XYLT1: variants seen among roughly 807,000 people sequenced by gnomAD.
XYLT1 encodes the protein beta-D-xylosyltransferase 1.
In XYLT1, 36 loss-of-function variants were observed where a neutral mutation model predicts 91.3. That is an observed-to-expected ratio of 0.39 (90% confidence interval 0.30 to 0.52). XYLT1 has a LOEUF of 0.52. Among genes scored for constraint, XYLT1 ranks in the 20% least tolerant of loss-of-function variants. The pLI is 0.68. For missense variants in XYLT1, 1,242 were observed against 1,284.5 expected (o/e 0.97, Z 0.51); for synonymous variants, 588 against 532.0 (o/e 1.11, Z -1.45).
rs373354877 is a variant in XYLT1 at position 17,379,763 on chromosome 16, T to TCTTTCTCACACACA, written c.364-21714_364-21713insTGTGTGTGAGAAAG. Among the ~76,000 whole-genome samples, 717 of 125,608 alleles carry TCTTTCTCACACACA rather than the reference T, an allele frequency of 5.7e-3. 8 individuals are homozygous for TCTTTCTCACACACA. Among genetic ancestry groups the TCTTTCTCACACACA allele is most frequent in the African/African-American group, 0.017 (548 of 31,746 alleles). The allele number at this position is 125,608 out of a possible 152,430, so 82.4% of individuals were successfully genotyped here. ...CTCTCTCTCTCTCTCTCTCTCTCTCTCACACACACACACACACACACACAC... is the reference window on the plus strand; with the variant it reads ...CTCTCTCTCTCTCTCTCTCTCTCTCTCTTTCTCACACACACACACACACACACACACACACACAC... On this transcript the variant is annotated intron_variant, in intron 1 of 11. Transcript: ENST00000261381.
intron 1 of XYLT1, among the ~76,000 whole-genome samples, chr16:17,400,441 T>G (rs1225346068): frequency 6.6e-6 from 1 of 151,940 alleles, no homozygotes; most frequent in African/African-American, 2.4e-5. Flanking sequence ...AATACAAAAA[T>G]TAGCTGGGAG....
At chr16:17,140,336 C>T (rs1270487994) in intron 7 of XYLT1, among the ~76,000 whole-genome samples, 4 of 152,070 alleles carry the variant, frequency 2.6e-5, no homozygotes, top group Admixed American at 2.6e-4. Context: ...GTGGTCATTA[C>T]ATGATTGGTC....
intron 2 of XYLT1, among the ~76,000 whole-genome samples, chr16:17,323,150 G>A (rs1323803891): frequency 6.6e-6 from 1 of 152,206 alleles, no homozygotes; most frequent in East Asian, 1.9e-4. Context: ...ATGGTGGCTG[G>A]TCTTTATCAT....
rs537893874 is a variant in XYLT1, at chr16:17,408,793, C to T, written c.364-50743G>A. Among the ~76,000 whole-genome samples the T allele has an allele frequency of 4.5e-4, 69 of 152,168 alleles. 2 individuals are homozygous for T. The South Asian group carries it at 0.013, about 29-fold the overall frequency. ...CCCAGAAGGCTGAGGTTGCGGTGAC[C>T]CAAGAGATCGCACCATTACACTCCA... On this transcript the variant is annotated intron_variant, in intron 1 of 11. Transcript: ENST00000261381.
At chr16:17,315,340 C>T (rs1311271207) in intron 2 of XYLT1, among the ~76,000 whole-genome samples, 1 of 152,242 alleles carries the variant, frequency 6.6e-6, no homozygotes, top group African/African-American at 2.4e-5. Context: ...TGTTCTTCCC[C>T]CTACTGGCAT....
Position 17,107,236 on chromosome 16 carries a change from C to T in XYLT1, c.*1459G>A, listed in dbSNP as rs987201616. ...CAAGTCACACAAAGCGAAGGGCAGCCCCTTCAAACCCACGCTGGAGAGAAG... is the reference window on the plus strand; with the variant it reads ...CAAGTCACACAAAGCGAAGGGCAGCTCCTTCAAACCCACGCTGGAGAGAAG... On this transcript the variant is annotated 3_prime_UTR_variant, in exon 12 of 12. Transcript: ENST00000261381. 1.3e-5 allele frequency: 2 copies of T among 152,172 alleles called. No individual in the cohort carries two copies. Among genetic ancestry groups the T allele is most frequent in the African/African-American group, 4.8e-5 (2 of 41,436 alleles). The allele number at this position is 152,172 out of a possible 1,614,324, so 9.4% of individuals were successfully genotyped here.
At chr16:17,271,905 G>T (rs1233999461) in intron 2 of XYLT1, among the ~76,000 whole-genome samples, 1 of 152,192 alleles carries the variant, frequency 6.6e-6, no homozygotes, top group Non-Finnish European at 1.5e-5. Flanking sequence ...CAGAATAGGA[G>T]AGAGGCTGGT....
chr16:17,267,446 C>T (rs191898742), intron 2 of XYLT1, among the ~76,000 whole-genome samples: 25 of 152,344 alleles, frequency 1.6e-4, no homozygotes, highest in Non-Finnish European at 2.6e-4. Flanking sequence ...CTCGCTCTGT[C>T]GCCCAGGCTG....
rs1470573421 is a variant in XYLT1 at position 17,105,864 on chromosome 16, T to G, written c.*2831A>C. On this transcript the variant is annotated 3_prime_UTR_variant, in exon 12 of 12. Transcript: ENST00000261381. ...GGCAGGTTAAAAAAATTATTTTCCCTGGGAAAACATCCTCTTTTCTCAAAT... is the reference window on the plus strand; with the variant it reads ...GGCAGGTTAAAAAAATTATTTTCCCGGGGAAAACATCCTCTTTTCTCAAAT... 6.6e-6 allele frequency: 1 copy of G among 152,078 alleles called. No homozygotes were observed. The highest frequency in any genetic ancestry group is 1.9e-4 in the East Asian group (1 of 5,190). 9.4% of individuals were successfully genotyped at this position (152,078 alleles called of 1,614,324 possible). A position where few individuals can be genotyped will look rare whatever the true frequency, so the allele number is the denominator to read the frequency against.
At chr16:17,215,956 G>C (rs1306267995) in intron 3 of XYLT1, among the ~76,000 whole-genome samples, 1 of 152,170 alleles carries the variant, frequency 6.6e-6, no homozygotes, top group East Asian at 1.9e-4. Flanking sequence ...TGAGGAGTGG[G>C]TGGCAGGCAG....
intron 3 of XYLT1, among the ~76,000 whole-genome samples, chr16:17,211,088 T>C (rs1289981709): frequency 6.6e-6 from 1 of 152,202 alleles, no homozygotes; most frequent in Non-Finnish European, 1.5e-5. Context: ...AAAATGTGCT[T>C]ACATAAAAAT....
chr16:17,277,793 T>C (rs944483765), intron 2 of XYLT1, among the ~76,000 whole-genome samples: 1 of 152,200 alleles, frequency 6.6e-6, no homozygotes, highest in South Asian at 2.1e-4. Context: ...TTAATTTGCT[T>C]AGGATAATGG....
In XYLT1 at chr16:17,122,441, ATTG is replaced by A. The variant is rs2030100989; in HGVS notation, c.2224-4465_2224-4463del. 2.0e-5 allele frequency among the ~76,000 whole-genome samples: 3 copies of A among 151,878 alleles called. No individual in the cohort carries two copies. In the South Asian group the frequency reaches 6.2e-4, roughly 32 times the overall value. ...TGGCCTTAGCCCACTTTTTGATGGG[ATTG>A]TTTTTTCTTGCTGATTTGAGTTCCT... On this transcript the variant is annotated intron_variant, in intron 10 of 11. Coordinates refer to ENST00000261381, the MANE Select transcript of XYLT1 (RefSeq NM_022166.4).
chr16:17,440,229 C>A (rs2036515286), intron 1 of XYLT1, among the ~76,000 whole-genome samples: 1 of 152,218 alleles, frequency 6.6e-6, no homozygotes. Flanking sequence ...TCAGATGAGA[C>A]CAAAGATCTG....
intron 2 of XYLT1, among the ~76,000 whole-genome samples, chr16:17,333,587 A>T (rs914830234): frequency 1.0e-4 from 14 of 140,156 alleles, no homozygotes; most frequent in Non-Finnish European, 2.0e-4. Context: ...AATTAATTTA[A>T]TTTATTTTTT....
At chr16:17,356,364 A>T (rs532966125) in intron 2 of XYLT1, among the ~76,000 whole-genome samples, 2 of 152,250 alleles carry the variant, frequency 1.3e-5, no homozygotes, top group African/African-American at 4.8e-5. Flanking sequence ...GGCAGAGGAA[A>T]CCGAATCCTT....
At position 17,134,482 on chromosome 16, in the gene XYLT1, T is replaced by C; in HGVS notation, c.2018A>G (p.Asn673Ser). ...CCCATATAGGGCTCACCGGCAGCTGTTCTCCCCATCCGTGTGCAGGGACGT... is the reference window on the plus strand; with the variant it reads ...CCCATATAGGGCTCACCGGCAGCTGCTCTCCCCATCCGTGTGCAGGGACGT... ...AETSLHTDGE[N>S]SCRYYPMGHP... is the part of the protein sequence containing the mutation. The change falls in exon 9 of 12, where the codon AAC (asparagine) becomes AGC (serine). Residue 673 changes from asparagine (N) to serine (S), a missense_variant. By Grantham distance (46) the Asn-to-Ser change is conservative. Coordinates refer to ENST00000261381, the MANE Select transcript of XYLT1 (RefSeq NM_022166.4). 6.2e-7 allele frequency: 1 copy of C among 1,614,088 alleles called. No individual in the cohort carries two copies. Among genetic ancestry groups the C allele is most frequent in the African/African-American group, 1.3e-5 (1 of 75,032 alleles).
At chr16:17,174,943 T>C (rs1265830545) in intron 5 of XYLT1, among the ~76,000 whole-genome samples, 1 of 152,170 alleles carries the variant, frequency 6.6e-6, no homozygotes, top group Non-Finnish European at 1.5e-5. Flanking sequence ...GCTAATTTTT[T>C]GTATTTTTAG....
At chr16:17,151,508 C>A (rs1186893635) in intron 6 of XYLT1, among the ~76,000 whole-genome samples, 2 of 152,140 alleles carry the variant, frequency 1.3e-5, no homozygotes, top group Non-Finnish European at 2.9e-5. Context: ...GTTATTTAAT[C>A]TTTCTAGCCT....
Sources: allele counts gnomAD v4.1 joint callset (sites outside exome capture counted in the v4.1 genomes callset), GRCh38; gene constraint gnomAD v4.1.1; transcripts MANE v1.5; gene names NCBI Gene and HGNC (gene_info 2026-07-23, HGNC 2026-07-21).